Variants in BRAF observed in about 807,000 individuals in gnomAD.
The protein encoded by BRAF is serine/threonine-protein kinase B-raf.
In BRAF, 16 loss-of-function variants were observed where a neutral mutation model predicts 104.6. That is an observed-to-expected ratio of 0.15 (90% CI 0.10 to 0.23). The LOEUF is 0.23. Among genes scored for constraint, BRAF ranks in the 10% least tolerant of loss-of-function variants. BRAF has a pLI of 1.00. For synonymous variants in BRAF, 310 were observed against 341.6 expected, an observed-to-expected ratio of 0.91 and a Z score of 1.02; for missense variants, 541 against 937.3, an observed-to-expected ratio of 0.58 and a Z score of 5.52.
intron 3 of BRAF, among the ~76,000 whole-genome samples, chr7:140,816,649 G>C (rs570402945): frequency 6.6e-6 from 1 of 151,818 alleles, no homozygotes; most frequent in Non-Finnish European, 1.5e-5. Context: ...CAAACCCCAG[G>C]GTATGTAAAC....
intron 16 of BRAF, 124 bp from the exon 16 acceptor site, chr7:140,749,542 C>A: frequency 2.5e-5 from 25 of 1,013,992 alleles, no homozygotes; most frequent in Non-Finnish European, 3.5e-5. Context: ...GTAATCAATT[C>A]TCTTAATAGT....
At chr7:140,919,173 T>C (rs867954337) in intron 1 of BRAF, among the ~76,000 whole-genome samples, 19 of 151,784 alleles carry the variant, frequency 1.3e-4, no homozygotes, top group African/African-American at 4.1e-4. Context: ...AAAATTATTA[T>C]TTACAATGAT....
intron 2 of BRAF, among the ~76,000 whole-genome samples, chr7:140,843,785 C>A (rs1201748857): frequency 6.6e-6 from 1 of 151,988 alleles, no homozygotes; most frequent in Non-Finnish European, 1.5e-5. Flanking sequence ...GCGGGCGGAT[C>A]ACGAGGTCAG....
chr7:140,831,074 C>T (rs1806684296), intron 3 of BRAF, among the ~76,000 whole-genome samples: 1 of 152,178 alleles, frequency 6.6e-6, no homozygotes, highest in South Asian at 2.1e-4. Flanking sequence ...AGCTCTTAAC[C>T]TGTGGGGTCT....
chr7:140,827,540 G>A (rs11984018), intron 3 of BRAF, among the ~76,000 whole-genome samples: 4,224 of 152,260 alleles, frequency 0.028, 206 homozygotes, highest in African/African-American at 0.095. Context: ...TTATCTTTAT[G>A]TATTCTGGTA....
chr7:140,720,844 T>C lies in BRAF; in HGVS notation c.*5650A>G. The C allele has an allele frequency of 1.9e-6, 2 of 1,066,100 alleles. No homozygotes were observed. Among genetic ancestry groups the C allele is most frequent in the South Asian group, 4.5e-5 (1 of 21,986 alleles). The allele number at this position is 1,066,100 out of a possible 1,614,324, so 66.0% of individuals were successfully genotyped here. A position where few individuals can be genotyped will look rare whatever the true frequency, so the allele number is the denominator to read the frequency against. ...ACAAAACCAGGACTAAGCAACTTCATCAAAACCCCCAATCCCACCCGTCAA... is the reference window on the plus strand; with the variant it reads ...ACAAAACCAGGACTAAGCAACTTCACCAAAACCCCCAATCCCACCCGTCAA... On this transcript the variant is annotated 3_prime_UTR_variant, in exon 20 of 20. Coordinates refer to ENST00000644969, the MANE Select transcript of BRAF (RefSeq NM_001374258.1).
intron 1 of BRAF, among the ~76,000 whole-genome samples, chr7:140,892,820 T>G (rs1344488403): frequency 6.6e-6 from 1 of 152,110 alleles, no homozygotes; most frequent in African/African-American, 2.4e-5. Flanking sequence ...ATACATCAGA[T>G]CAAGTCACAT....
chr7:140,713,822 T>TAACA, the BRAF span, among the ~76,000 whole-genome samples: 1 of 152,212 alleles, frequency 6.6e-6, no homozygotes, highest in African/African-American at 2.4e-5. Context: ...GTTTTCCTTC[T>TAACA]AACAGACAGG....
intron 16 of BRAF, 67 bp from the exon 16 acceptor site, chr7:140,749,485 A>C: frequency 1.3e-6 from 2 of 1,531,438 alleles, no homozygotes; most frequent in Non-Finnish European, 1.8e-6. Context: ...ACAACCTACT[A>C]TAATTCCTAG....
intron 14 of BRAF, among the ~76,000 whole-genome samples, chr7:140,765,249 T>G (rs1378870245): frequency 6.6e-6 from 1 of 152,182 alleles, no homozygotes. Flanking sequence ...TAGCCATATG[T>G]AGAAAGCTGA....
chr7:140,816,823 T>C (rs1445037684), intron 3 of BRAF, among the ~76,000 whole-genome samples: 3 of 152,128 alleles, frequency 2.0e-5, no homozygotes, highest in South Asian at 2.1e-4. Flanking sequence ...TTTCAGACTT[T>C]TCATCAGACA....
intron 14 of BRAF, among the ~76,000 whole-genome samples, chr7:140,761,981 G>A (rs1045654601): frequency 9.9e-5 from 15 of 152,068 alleles, no homozygotes; most frequent in African/African-American, 2.2e-4. Context: ...ACAGATCAAC[G>A]CGACAGAAAG....
At chr7:140,882,465 TC>T (rs1324063220) in intron 1 of BRAF, among the ~76,000 whole-genome samples, 2 of 147,478 alleles carry the variant, frequency 1.4e-5, no homozygotes, top group Non-Finnish European at 1.5e-5. Flanking sequence ...AACCTCTGCC[TC>T]CCGGGGGTTC....
Position 140,741,175 on chromosome 7 carries a change from A to G in BRAF, c.2113-1229T>C, listed in dbSNP as rs560415990. On this transcript the variant is annotated intron_variant, in intron 17 of 19. Transcript: ENST00000644969. ...TATCAGTGGAAAAGGTGGCCCTGAA[A>G]GGCCAAAAAACGTTGGGACACTTGG... 7 of 152,346 alleles carry G rather than the reference A, an allele frequency of 4.6e-5. No individual in the cohort carries two copies. The South Asian group carries it at 1.2e-3, about 27-fold the overall frequency. The allele number at this position is 152,346 out of a possible 1,614,324, so 9.4% of individuals were successfully genotyped here. A position where few individuals can be genotyped will look rare whatever the true frequency, so the allele number is the denominator to read the frequency against.
In BRAF at chr7:140,846,806, A is replaced by G. The variant is rs1808597902; in HGVS notation, c.240+3305T>C. ...TAGCTCTTCACTGATGGGCCTTTAA[A>G]TATCAGTATGTACAGGTCTTTTCTC... On this transcript the variant is annotated intron_variant, in intron 2 of 19. Coordinates refer to ENST00000644969, the MANE Select transcript of BRAF (RefSeq NM_001374258.1). 2.6e-5 allele frequency among the ~76,000 whole-genome samples: 4 copies of G among 152,172 alleles called. No homozygotes were observed. The South Asian group carries it at 8.3e-4, about 31-fold the overall frequency.
chr7:140,797,219 T>C (rs898557711), intron 7 of BRAF, among the ~76,000 whole-genome samples: 3 of 152,234 alleles, frequency 2.0e-5, no homozygotes, highest in African/African-American at 4.8e-5. Context: ...TTAGATCTCA[T>C]TCTTAATCTA....
At chr7:140,739,402 GT>G (rs1310279674) in intron 18 of BRAF, among the ~76,000 whole-genome samples, 1 of 150,078 alleles carries the variant, frequency 6.7e-6, no homozygotes, top group African/African-American at 2.4e-5. Context: ...TAATAGAACT[GT>G]TTTTTTCTAA....
chr7:140,775,531 G>A (rs1373175965), intron 14 of BRAF, among the ~76,000 whole-genome samples: 1 of 151,920 alleles, frequency 6.6e-6, no homozygotes, highest in Non-Finnish European at 1.5e-5. Flanking sequence ...TAGAGACGGG[G>A]TTTCTCCATG....
rs777971698 is a variant in BRAF, at chr7:140,834,774, G to A, written c.339C>T (p.Ser113=). 14 of 1,614,152 alleles carry A rather than the reference G, an allele frequency of 8.7e-6. No homozygotes were observed. Among genetic ancestry groups the A allele is most frequent in the East Asian group, 2.2e-5 (1 of 44,868 alleles). The part of the protein sequence containing the change: ...LGNGTDFSVS[S]SASMDTVTSS... ...ATGTAACGGTATCCATTGATGCAGA[G>A]CTAGAAACAGAAAAATCAGTTCCGT... Residue 113 remains serine (S), a synonymous_variant, in exon 3 of 20, where the codon AGC becomes AGT. Coordinates refer to ENST00000644969, the MANE Select transcript of BRAF (RefSeq NM_001374258.1).
Sources: gnomAD v4.1 joint callset for allele counts (sites outside exome capture counted in the v4.1 genomes callset) on GRCh38, gnomAD v4.1.1 for gene constraint, MANE v1.5 for transcripts, NCBI Gene and HGNC (gene_info 2026-07-23, HGNC 2026-07-21) for gene names.